ZMIZ1: variants seen among roughly 807,000 people sequenced by gnomAD.
ZMIZ1 encodes the protein zinc finger MIZ domain-containing protein 1.
Under a neutral mutation model 113.9 loss-of-function variants are expected in ZMIZ1, and 17 were observed. The observed-to-expected ratio is 0.15, with a 90% CI of 0.10 to 0.22. The LOEUF (loss-of-function observed/expected upper bound fraction) is 0.22. ZMIZ1 is among the 10% of genes least tolerant of loss of function. The probability of loss-of-function intolerance (pLI) is 1.00; values close to 1 mark genes in which losing one functional copy is unlikely to be tolerated. For missense variants in ZMIZ1, 1,059 were observed against 1,477.8 expected (o/e 0.72, Z 4.65); for synonymous variants, 607 against 603.1 (o/e 1.01, Z -0.09).
At chr10:79,240,228 T>C (rs1849760929) in intron 7 of ZMIZ1, among the ~76,000 whole-genome samples, 1 of 152,208 alleles carries the variant, frequency 6.6e-6, no homozygotes, top group South Asian at 2.1e-4. Flanking sequence ...CCTGGGGCTA[T>C]GCCCCCCTTG....
intron 1 of ZMIZ1, among the ~76,000 whole-genome samples, chr10:79,087,505 A>G (rs975336414): frequency 2.6e-5 from 4 of 151,956 alleles, no homozygotes; most frequent in South Asian, 2.1e-4. Flanking sequence ...TTCTCCAGCC[A>G]CCTCTCCTGT....
At chr10:79,090,790 C>T in intron 1 of ZMIZ1, among the ~76,000 whole-genome samples, 1 of 152,220 alleles carries the variant, frequency 6.6e-6, no homozygotes, top group African/African-American at 2.4e-5. Context: ...GGGGGGTGCC[C>T]ACTTTGAGAA....
chr10:79,306,475 C>CA (rs1407050060), intron 22 of ZMIZ1, 131 bp downstream of exon 22: 2 of 1,434,126 alleles, frequency 1.4e-6, no homozygotes, highest in Non-Finnish European at 9.4e-7. Context: ...ACACATCCCC[C>CA]AAAAAACAAT....
chr10:79,075,270 A>G (rs1842430449), intron 1 of ZMIZ1, among the ~76,000 whole-genome samples: 1 of 152,078 alleles, frequency 6.6e-6, no homozygotes, highest in Non-Finnish European at 1.5e-5. Context: ...CAAACCCTTC[A>G]CTGTTCAGAT....
chr10:79,307,249 T>A (rs972352864), intron 22 of ZMIZ1, among the ~76,000 whole-genome samples, 156 bp from the exon 23 acceptor site: 2 of 152,150 alleles, frequency 1.3e-5, no homozygotes, highest in African/African-American at 4.8e-5. Context: ...GTGGCTGCTC[T>A]ATCCTACAGC....
rs930340220 is a variant in ZMIZ1, at chr10:79,242,292, G to A, written c.280+26018G>A. Among the ~76,000 whole-genome samples the A allele has an allele frequency of 2.6e-5, 4 of 152,098 alleles. No homozygotes were observed. In the East Asian group the frequency reaches 7.7e-4, roughly 29 times the overall value. On this transcript the variant is annotated intron_variant, in intron 7 of 24. Coordinates refer to ENST00000334512, the MANE Select transcript of ZMIZ1 (RefSeq NM_020338.4). ...GGCAGCAGCTCCCGGGGCGGGGCAG[G>A]GCCGCGCGCAGCCGCCCCCGGCTTC...
intron 6 of ZMIZ1, among the ~76,000 whole-genome samples, chr10:79,214,058 G>A (rs1358055357): frequency 5.3e-5 from 8 of 152,158 alleles, no homozygotes; most frequent in Admixed American, 1.3e-4. Context: ...AAAGAGGGAG[G>A]GCACCAGAGT....
intron 20 of ZMIZ1, 110 bp from the exon 21 acceptor site, chr10:79,305,423 G>A: frequency 2.3e-6 from 3 of 1,327,436 alleles, no homozygotes; most frequent in Non-Finnish European, 3.3e-6. Flanking sequence ...TGTGCCTCCA[G>A]TAGTAACCAG....
intron 2 of ZMIZ1, among the ~76,000 whole-genome samples, chr10:79,124,805 C>T (rs1031972952): frequency 3.3e-5 from 5 of 152,138 alleles, no homozygotes; most frequent in Admixed American, 6.6e-5. Flanking sequence ...CAGGGCAGTC[C>T]GGCTGGGGAG....
chr10:79,277,147 C>A, intron 7 of ZMIZ1, 34 bp from the exon 8 acceptor site: 1 of 1,471,660 alleles, frequency 6.8e-7, no homozygotes. Flanking sequence ...GCATGATGAA[C>A]AAGCACCCAC....
At position 79,313,694 on chromosome 10, in the gene ZMIZ1, A is replaced by G. The variant is rs150585135; in HGVS notation, c.*945A>G. ...TAAACAGCAACAATTTAAAGCTATG[A>G]AGTCACCTGGAGAAAAGGAACGTTG... On this transcript the variant is annotated 3_prime_UTR_variant, in exon 25 of 25. Coordinates refer to ENST00000334512, the MANE Select transcript of ZMIZ1 (RefSeq NM_020338.4). 1 of 284,910 alleles carries G rather than the reference A, an allele frequency of 3.5e-6. No individual in the cohort carries two copies. Among genetic ancestry groups the G allele is most frequent in the African/African-American group, 2.2e-5 (1 of 45,288 alleles). 17.6% of individuals were successfully genotyped at this position (284,910 alleles called of 1,614,324 possible).
chr10:79,145,501 C>T lies in ZMIZ1; in HGVS notation c.-131+5724C>T, dbSNP rs574056918. Reference sequence around the variant, plus strand: ...ACCCCTTGTTAACTGTGTGACCTTCCGGTTAGTTCACATTGATTTCTGTGC... The same window carrying T: ...ACCCCTTGTTAACTGTGTGACCTTCTGGTTAGTTCACATTGATTTCTGTGC... On this transcript the variant is annotated intron_variant, in intron 3 of 24. Transcript: ENST00000334512. Among the ~76,000 whole-genome samples, 495 of 152,012 alleles carry T rather than the reference C, an allele frequency of 3.3e-3. 3 individuals are homozygous for T. Among genetic ancestry groups the T allele is most frequent in the Non-Finnish European group, 5.6e-3 (382 of 67,978 alleles).
chr10:79,072,926 G>T (rs1263542884), intron 1 of ZMIZ1, among the ~76,000 whole-genome samples: 1 of 152,224 alleles, frequency 6.6e-6, no homozygotes, highest in Non-Finnish European at 1.5e-5. Flanking sequence ...GTCCTTAAGA[G>T]TCCCTCAGGA....
chr10:79,302,238 A>ATCAC, intron 18 of ZMIZ1, 26 bp downstream of exon 18: 2 of 1,603,042 alleles, frequency 1.2e-6, no homozygotes, highest in Admixed American at 3.3e-5. Flanking sequence ...GACGGGGGTG[A>ATCAC]GGGCCAGACT....
At chr10:79,293,308 T>G in intron 11 of ZMIZ1, 73 bp from the exon 12 acceptor site, 2 of 1,076,044 alleles carry the variant, frequency 1.9e-6, no homozygotes, top group Non-Finnish European at 2.6e-6. Context: ...CTTCCCTCCC[T>G]GCACTTTCAA....
At chr10:79,163,350 A>G (rs1219804885) in intron 4 of ZMIZ1, among the ~76,000 whole-genome samples, 1 of 152,264 alleles carries the variant, frequency 6.6e-6, no homozygotes, top group Non-Finnish European at 1.5e-5. Flanking sequence ...GATTGGCTGC[A>G]TGACCTTGGG....
intron 1 of ZMIZ1, among the ~76,000 whole-genome samples, chr10:79,084,557 A>G (rs543102157): frequency 6.6e-6 from 1 of 152,348 alleles, no homozygotes; most frequent in East Asian, 1.9e-4. Flanking sequence ...CACTTCGGAC[A>G]GGCTCTTTCC....
chr10:79,146,059 G>A (rs901543337), intron 3 of ZMIZ1, among the ~76,000 whole-genome samples: 5 of 152,066 alleles, frequency 3.3e-5, no homozygotes, highest in Non-Finnish European at 5.9e-5. Flanking sequence ...CATTTTTTGC[G>A]GCCTTCCTGA....
At position 79,291,029 on chromosome 10, in the gene ZMIZ1, T is replaced by C. The variant is rs1183073997; in HGVS notation, c.611T>C (p.Met204Thr). ...GGCGGCAACCCCATGGCGTCGGGCATGACCACCAGCAACCCAGGCCTCAAC... is the reference window on the plus strand; with the variant it reads ...GGCGGCAACCCCATGGCGTCGGGCACGACCACCAGCAACCCAGGCCTCAAC... ...NPGGNPMASG[M>T]TTSNPGLNSP... is the part of the protein sequence containing the mutation. The change falls in exon 10 of 25, where the codon ATG becomes ACG. Residue 204 changes from methionine to threonine, a missense_variant. Met to Thr is a moderately conservative substitution (Grantham distance 81). This residue lies in a region of ZMIZ1 where 272 missense variants were observed against 350.4 expected (regional missense o/e 0.78). Coordinates refer to ENST00000334512, the MANE Select transcript of ZMIZ1 (RefSeq NM_020338.4). 1 of 1,614,246 alleles carries C rather than the reference T, an allele frequency of 6.2e-7. No individual in the cohort carries two copies. The highest frequency in any genetic ancestry group is 8.5e-7 in the Non-Finnish European group (1 of 1,180,042).
Sources: allele counts gnomAD v4.1 joint callset (sites outside exome capture counted in the v4.1 genomes callset), GRCh38; gene constraint gnomAD v4.1.1; regional missense constraint gnomAD v4.1.1; transcripts MANE v1.5; gene names NCBI Gene and HGNC (gene_info 2026-07-23, HGNC 2026-07-21).